Variants in CTNNBL1 observed in about 807,000 individuals in gnomAD.
CTNNBL1 encodes the protein beta-catenin-like protein 1.
A neutral mutation model predicts 72.7 loss-of-function variants in CTNNBL1; 31 were observed. The observed-to-expected ratio is 0.43, with a 90% CI of 0.32 to 0.58. CTNNBL1 has a LOEUF of 0.58. CTNNBL1 is among the 20% of genes least tolerant of loss of function. The pLI is 0.08. For missense variants in CTNNBL1, 534 were observed against 725.1 expected, an observed-to-expected ratio of 0.74 and a Z score of 3.03; for synonymous variants, 240 against 267.3, an observed-to-expected ratio of 0.90 and a Z score of 1.00.
chr20:37,806,040 A>T (rs550718041), intron 11 of CTNNBL1, among the ~76,000 whole-genome samples: 2 of 152,262 alleles, frequency 1.3e-5, no homozygotes, highest in African/African-American at 4.8e-5. Flanking sequence ...TCAGTCAGTC[A>T]TACACCTAGA....
At chr20:37,753,461 A>G (rs537611771) in intron 4 of CTNNBL1, among the ~76,000 whole-genome samples, 157 of 152,358 alleles carry the variant, frequency 1.0e-3, no homozygotes, top group African/African-American at 3.6e-3. Context: ...AAGACTAATC[A>G]AAGAAAAATG....
intron 4 of CTNNBL1, among the ~76,000 whole-genome samples, chr20:37,748,748 C>T (rs2073290714): frequency 1.3e-5 from 2 of 152,180 alleles, no homozygotes; most frequent in Non-Finnish European, 2.9e-5. Flanking sequence ...TTTCTCACTG[C>T]GTCCTCACAT....
At chr20:37,822,807 T>C (rs536315853) in intron 11 of CTNNBL1, among the ~76,000 whole-genome samples, 6 of 152,132 alleles carry the variant, frequency 3.9e-5, no homozygotes, top group Non-Finnish European at 5.9e-5. Flanking sequence ...GGGGTGGTCA[T>C]GAATATTAAG....
chr20:37,814,304 C>A (rs938690901), intron 11 of CTNNBL1, among the ~76,000 whole-genome samples: 1 of 152,084 alleles, frequency 6.6e-6, no homozygotes, highest in South Asian at 2.1e-4. Context: ...GTCAGTAGTC[C>A]TGGCCCCAGT....
chr20:37,792,567 A>G (rs999754667), intron 10 of CTNNBL1, among the ~76,000 whole-genome samples: 1 of 152,210 alleles, frequency 6.6e-6, no homozygotes, highest in Non-Finnish European at 1.5e-5. Context: ...AACTTTTTGA[A>G]CATCAACATG....
chr20:37,815,506 C>T (rs1371042389), intron 11 of CTNNBL1, among the ~76,000 whole-genome samples: 2 of 151,954 alleles, frequency 1.3e-5, no homozygotes, highest in African/African-American at 4.8e-5. Flanking sequence ...TTGGTAGAGA[C>T]GGGGTTTCAC....
At chr20:37,843,162 CTCCCCTACAA>C in intron 13 of CTNNBL1, among the ~76,000 whole-genome samples, 1 of 152,194 alleles carries the variant, frequency 6.6e-6, no homozygotes, top group East Asian at 1.9e-4. Context: ...TTTGTATTCG[CTCCCCTACAA>C]GACACTTCTC....
At chr20:37,708,202 T>C (rs2072906492) in intron 1 of CTNNBL1, among the ~76,000 whole-genome samples, 1 of 152,054 alleles carries the variant, frequency 6.6e-6, no homozygotes, top group African/African-American at 2.4e-5. Flanking sequence ...TTTTTTTTTT[T>C]TGGAGGTAGA....
At chr20:37,843,351 AGT>A (rs2072320541) in intron 13 of CTNNBL1, among the ~76,000 whole-genome samples, 1 of 152,130 alleles carries the variant, frequency 6.6e-6, no homozygotes, top group Non-Finnish European at 1.5e-5. Context: ...GACTGATTTT[AGT>A]ATAGCCCTCC....
At chr20:37,854,789 A>G (rs1246920563) in intron 13 of CTNNBL1, among the ~76,000 whole-genome samples, 3 of 151,926 alleles carry the variant, frequency 2.0e-5, no homozygotes, top group African/African-American at 4.8e-5. Flanking sequence ...GGGTTTCGCC[A>G]TGATGGCCAG....
chr20:37,748,838 T>C (rs74827918), intron 4 of CTNNBL1, among the ~76,000 whole-genome samples: 5,633 of 152,248 alleles, frequency 0.037, 318 homozygotes, highest in African/African-American at 0.13. Flanking sequence ...TACCATCACA[T>C]TGGGGATAGG....
rs6021050 is a variant in CTNNBL1, at chr20:37,807,238, A to G, written c.1213+4190A>G. Among the ~76,000 whole-genome samples the G allele has an allele frequency of 3.0e-3, 463 of 152,326 alleles. 5 individuals carry two copies. The highest frequency in any genetic ancestry group is 1.0e-2 in the African/African-American group (415 of 41,566). ...AGAATCTACCATGAAGGGTGTTTGC[A>G]AGAGTCAGATGAGATGACATGTAGA... is the stretch of plus-strand genomic sequence containing the variant. On this transcript the variant is annotated intron_variant, in intron 11 of 15. Coordinates refer to ENST00000361383, the MANE Select transcript of CTNNBL1 (RefSeq NM_030877.5).
chr20:37,715,795 G>A (rs1207687224), intron 1 of CTNNBL1, among the ~76,000 whole-genome samples: 1 of 152,198 alleles, frequency 6.6e-6, no homozygotes, highest in Non-Finnish European at 1.5e-5. Flanking sequence ...AGATATCAGT[G>A]GAGCTCTGAG....
chr20:37,854,554 T>A (rs902543237), intron 13 of CTNNBL1, among the ~76,000 whole-genome samples: 2 of 12,050 alleles, frequency 1.7e-4, no homozygotes, highest in African/African-American at 7.9e-4. Context: ...CCTCTCAATA[T>A]TATTATTATT....
At chr20:37,810,539 A>G (rs1316333673) in intron 11 of CTNNBL1, among the ~76,000 whole-genome samples, 15 of 152,310 alleles carry the variant, frequency 9.8e-5, no homozygotes, top group South Asian at 6.2e-4. Context: ...AGACCATAAT[A>G]GGTGGGTTGA....
intron 11 of CTNNBL1, among the ~76,000 whole-genome samples, chr20:37,825,069 T>G (rs2072146044): frequency 6.6e-6 from 1 of 152,212 alleles, no homozygotes; most frequent in Non-Finnish European, 1.5e-5. Context: ...AATAAGAGAA[T>G]GGACTGGGCG....
intron 11 of CTNNBL1, among the ~76,000 whole-genome samples, chr20:37,817,196 A>G (rs1201921781): frequency 6.6e-6 from 1 of 152,190 alleles, no homozygotes; most frequent in Non-Finnish European, 1.5e-5. Flanking sequence ...CAGTCTCTTA[A>G]GGAGACGTCG....
chr20:37,823,433 G>A (rs6126216), intron 11 of CTNNBL1, among the ~76,000 whole-genome samples: 1 of 152,336 alleles, frequency 6.6e-6, no homozygotes, highest in East Asian at 1.9e-4. Flanking sequence ...ATCAGCTGAA[G>A]CCCTGGAGCC....
chr20:37,740,292 A>G (rs2073204634), intron 3 of CTNNBL1, among the ~76,000 whole-genome samples: 1 of 152,158 alleles, frequency 6.6e-6, no homozygotes, highest in South Asian at 2.1e-4. Flanking sequence ...GTAATTCTCT[A>G]GATCAGCGAG....
Sources: gnomAD v4.1 joint callset for allele counts (sites outside exome capture counted in the v4.1 genomes callset) on GRCh38, gnomAD v4.1.1 for gene constraint, MANE v1.5 for transcripts, NCBI Gene and HGNC (gene_info 2026-07-23, HGNC 2026-07-21) for gene names.